PEX7: variants seen among roughly 807,000 people sequenced by gnomAD.
The protein encoded by PEX7 is peroxisomal biogenesis factor 7, also known as PTS2 receptor.
A neutral mutation model predicts 47.5 loss-of-function variants in PEX7; 34 were observed. The observed-to-expected ratio is 0.72, with a 90% CI of 0.54 to 0.95. The LOEUF (loss-of-function observed/expected upper bound fraction) is 0.95. PEX7 is among the 40% of genes least tolerant of loss of function. The probability of loss-of-function intolerance (pLI) is 0.00; values close to 1 mark genes in which losing one functional copy is unlikely to be tolerated. For synonymous variants in PEX7, 141 were observed against 148.8 expected, an observed-to-expected ratio of 0.95 and a Z score of 0.38; for missense variants, 394 against 400.3, an observed-to-expected ratio of 0.98 and a Z score of 0.13.
chr6:136,912,556 C>A (rs1407250330), intron 9 of PEX7, among the ~76,000 whole-genome samples: 1 of 152,148 alleles, frequency 6.6e-6, no homozygotes, highest in Admixed American at 6.5e-5. Flanking sequence ...TATTTCTGAA[C>A]TCTGTTCTCT....
At chr6:136,854,847 G>A (rs1774830089) in intron 5 of PEX7, among the ~76,000 whole-genome samples, 1 of 152,166 alleles carries the variant, frequency 6.6e-6, no homozygotes, top group Admixed American at 6.5e-5. Flanking sequence ...AGCACTTTGG[G>A]AGCTGAGGCA....
chr6:136,832,388 C>T (rs552525334), intron 3 of PEX7, among the ~76,000 whole-genome samples: 94 of 152,324 alleles, frequency 6.2e-4, no homozygotes, highest in Middle Eastern at 6.8e-3. Flanking sequence ...CCTCCTAGGC[C>T]GCTGGGCCTG....
intron 4 of PEX7, 128 bp from the exon 5 acceptor site, chr6:136,845,945 C>T: frequency 1.4e-6 from 1 of 697,126 alleles, no homozygotes. Context: ...CTTTAAAAAT[C>T]CTTGAGATCT....
At chr6:136,866,577 G>A in intron 5 of PEX7, 50 bp from the exon 6 acceptor site, 2 of 1,430,550 alleles carry the variant, frequency 1.4e-6, no homozygotes, top group Non-Finnish European at 2.0e-6. Context: ...TTATGTCACT[G>A]CACATTCAAG....
At chr6:136,866,802 C>A in intron 6 of PEX7, 69 bp downstream of exon 6, 1 of 1,367,654 alleles carries the variant, frequency 7.3e-7, no homozygotes, top group Non-Finnish European at 1.0e-6. Context: ...TTTTATTTGT[C>A]TTTGTTTATG....
Position 136,908,676 on chromosome 6 carries a change from C to T in PEX7, c.904-4782C>T, listed in dbSNP as rs763575389. Among the ~76,000 whole-genome samples the T allele has an allele frequency of 2.8e-4, 42 of 152,098 alleles. 1 individual carries two copies. Among genetic ancestry groups the T allele is most frequent in the Non-Finnish European group, 5.0e-4 (34 of 68,008 alleles). On this transcript the variant is annotated intron_variant, in intron 9 of 9. Coordinates refer to ENST00000318471, the MANE Select transcript of PEX7 (RefSeq NM_000288.4). ...CATACTGTAAGGGAAGAGAGTCAAA[C>T]AAGAGATACCCCAGCCTTCAAAAAA...
chr6:136,822,849 A>G (rs1582730234), intron 1 of PEX7, 54 bp downstream of exon 1: 3 of 736,198 alleles, frequency 4.1e-6, no homozygotes, highest in Non-Finnish European at 3.5e-6. Context: ...GGCGGGGGCC[A>G]GCCGGGCTCC....
Position 136,822,602 on chromosome 6 carries a change from G to A in PEX7, c.-64G>A. The A allele has an allele frequency of 6.9e-7, 1 of 1,440,780 alleles. No individual in the cohort carries two copies. The highest frequency in any genetic ancestry group is 9.4e-7 in the Non-Finnish European group (1 of 1,065,070). The allele number at this position is 1,440,780 out of a possible 1,614,324, so 89.2% of individuals were successfully genotyped here. ...CTGCCTGGTCTCTCTAACCGCGCCA[G>A]TGTGCCTCCGACTCGGAACGGCTTC... On this transcript the variant is annotated 5_prime_UTR_variant, in exon 1 of 10. The change creates a new upstream start codon in the 5' untranslated region. Transcript: ENST00000318471.
intron 8 of PEX7, among the ~76,000 whole-genome samples, chr6:136,894,668 T>C (rs1331809353): frequency 6.6e-6 from 1 of 152,204 alleles, no homozygotes; most frequent in Non-Finnish European, 1.5e-5. Context: ...TGTTAAAGAA[T>C]TGTGGAACCA....
intron 8 of PEX7, among the ~76,000 whole-genome samples, chr6:136,873,479 T>C (rs1340074851): frequency 6.6e-6 from 1 of 152,188 alleles, no homozygotes; most frequent in Non-Finnish European, 1.5e-5. Flanking sequence ...CCAATTTTGA[T>C]ACTCAGTAGC....
rs925593750 is a variant in PEX7 at position 136,822,709 on chromosome 6, C to T, written c.44C>T (p.Pro15Leu). ...CGGAARMLRT[P>L]GRHGYAAEFS... ...GGAGCGGCGCGGATGCTGCGGACGC[C>T]GGGACGCCACGGCTACGCCGCCGAG... The change falls in exon 1 of 10, where the codon CCG becomes CTG. Residue 15 changes from proline (P) to leucine (L), a missense_variant. Pro to Leu is a moderately conservative substitution (Grantham distance 98). Coordinates refer to ENST00000318471, the MANE Select transcript of PEX7 (RefSeq NM_000288.4). 9.6e-5 allele frequency: 146 copies of T among 1,516,752 alleles called. No homozygotes were observed. The highest frequency in any genetic ancestry group is 2.1e-4 in the African/African-American group (15 of 70,178). 94.0% of individuals were successfully genotyped at this position (1,516,752 alleles called of 1,614,324 possible).
chr6:136,842,002 CTTTTTTT>C (rs1201074060), intron 3 of PEX7, among the ~76,000 whole-genome samples: 1 of 139,816 alleles, frequency 7.2e-6, no homozygotes, highest in African/African-American at 2.6e-5. Context: ...TTTTCTTTTT[CTTTTTTT>C]TTTTTTTGAG....
intron 6 of PEX7, among the ~76,000 whole-genome samples, chr6:136,869,575 T>G (rs1237827054): frequency 6.6e-6 from 1 of 152,214 alleles, no homozygotes; most frequent in Admixed American, 6.5e-5. Flanking sequence ...TAATCCCCTA[T>G]GTATTTACTG....
chr6:136,892,711 G>A (rs1562754918), intron 8 of PEX7, among the ~76,000 whole-genome samples: 1 of 152,162 alleles, frequency 6.6e-6, no homozygotes, highest in Non-Finnish European at 1.5e-5. Flanking sequence ...CCTATTAAAG[G>A]AGGATAGATT....
At chr6:136,824,915 G>C (rs1774159601) in intron 1 of PEX7, among the ~76,000 whole-genome samples, 1 of 152,162 alleles carries the variant, frequency 6.6e-6, no homozygotes, top group African/African-American at 2.4e-5. Context: ...AGGCCCTTAA[G>C]TATTTCACCC....
intron 3 of PEX7, among the ~76,000 whole-genome samples, chr6:136,836,424 A>G (rs1582738987): frequency 6.6e-6 from 1 of 152,144 alleles, no homozygotes; most frequent in Non-Finnish European, 1.5e-5. Flanking sequence ...TTCTTCAGAT[A>G]TAACTTGTAT....
rs539122828 is a variant in PEX7 at position 136,863,168 on chromosome 6, G to A, written c.527-3459G>A. Among the ~76,000 whole-genome samples, 8 of 152,286 alleles carry A rather than the reference G, an allele frequency of 5.3e-5. No individual in the cohort carries two copies. In the South Asian group the frequency reaches 1.7e-3, roughly 32 times the overall value. ...TCATTCATTTTTCACAATGAGATAT[G>A]TTGTCACTAGTGGGTCCTGAATTTT... On this transcript the variant is annotated intron_variant, in intron 5 of 9. Transcript: ENST00000318471.
intron 5 of PEX7, among the ~76,000 whole-genome samples, chr6:136,850,341 G>A (rs1309513331): frequency 6.6e-6 from 1 of 152,102 alleles, no homozygotes. Flanking sequence ...TTTAATTGGA[G>A]CATTTAGCCC....
Position 136,913,628 on chromosome 6 carries a change from A to G in PEX7, c.*102A>G. On this transcript the variant is annotated 3_prime_UTR_variant, in exon 10 of 10. Transcript: ENST00000318471. ...CATAGACATTATGCTTTTATATGCT[A>G]TTCAGATTTCAAATCTTTCCAATTT... The G allele has an allele frequency of 1.2e-6, 1 of 857,834 alleles. No individual in the cohort carries two copies. Among genetic ancestry groups the G allele is most frequent in the Non-Finnish European group, 2.0e-6 (1 of 501,720 alleles). The allele number at this position is 857,834 out of a possible 1,614,324, so 53.1% of individuals were successfully genotyped here. A position where few individuals can be genotyped will look rare whatever the true frequency, so the allele number is the denominator to read the frequency against.
Sources: allele counts gnomAD v4.1 joint callset (sites outside exome capture counted in the v4.1 genomes callset), GRCh38; gene constraint gnomAD v4.1.1; transcripts MANE v1.5; gene names NCBI Gene and HGNC (gene_info 2026-07-23, HGNC 2026-07-21).